FRMD4A: variants seen among roughly 807,000 people sequenced by gnomAD.
The protein encoded by FRMD4A is FERM domain-containing protein 4A.
FRMD4A carries 29 observed loss-of-function variants against 129.1 expected under a neutral mutation model. The ratio of observed to expected loss-of-function variants is 0.22; its 90% CI spans 0.17 to 0.31. FRMD4A has a LOEUF of 0.31. Among genes scored for constraint, FRMD4A ranks in the 10% least tolerant of loss-of-function variants. The probability of loss-of-function intolerance (pLI) is 1.00; values close to 1 mark genes in which losing one functional copy is unlikely to be tolerated. For missense variants in FRMD4A, 1,272 were observed against 1,375.8 expected (o/e 0.92, Z 1.19); for synonymous variants, 634 against 571.6 (o/e 1.11, Z -1.56).
At chr10:14,061,228 C>T (rs1834796761) in intron 2 of FRMD4A, among the ~76,000 whole-genome samples, 1 of 152,088 alleles carries the variant, frequency 6.6e-6, no homozygotes, top group Admixed American at 6.6e-5. Flanking sequence ...GGTGGACTAC[C>T]TGAGGTCAGG....
intron 2 of FRMD4A, among the ~76,000 whole-genome samples, chr10:14,061,705 C>T (rs1028184943): frequency 3.3e-5 from 5 of 152,072 alleles, no homozygotes; most frequent in Non-Finnish European, 5.9e-5. Context: ...AAACGTTGTC[C>T]TTATGATAAA....
In FRMD4A at chr10:13,731,498, A is replaced by G. The variant is rs192415320; in HGVS notation, c.759+6346T>C. On this transcript the variant is annotated intron_variant, in intron 12 of 24. Transcript: ENST00000357447. ...ACCCCGTCTCTACTAAAAATACAAA[A>G]ATTAGCTGGGTGTGGTGGCACGTGC... Among the ~76,000 whole-genome samples the G allele has an allele frequency of 3.8e-3, 575 of 152,008 alleles. 1 individual carries two copies. Among genetic ancestry groups the G allele is most frequent in the African/African-American group, 0.013 (549 of 41,454 alleles).
At position 13,796,411 on chromosome 10, in the gene FRMD4A, TC is replaced by T. The variant is rs368943972; in HGVS notation, c.299+84del. The T allele has an allele frequency of 7.7e-4, 581 of 754,532 alleles. 3 individuals are homozygous for T. In the African/African-American group the frequency reaches 8.7e-3, roughly 11 times the overall value. The allele number at this position is 754,532 out of a possible 1,614,324, so 46.7% of individuals were successfully genotyped here. The stretch of plus-strand genomic sequence containing the variant: ...AATGAACCAAGACAAACTTGAGCTC[TC>T]TTTCCTTGGAATCACTCTGCCCTCC... On this transcript the variant is annotated intron_variant, in intron 5 of 24. Transcript: ENST00000357447.
intron 2 of FRMD4A, among the ~76,000 whole-genome samples, chr10:14,101,430 G>T (rs992538122): frequency 3.9e-5 from 6 of 152,124 alleles, no homozygotes; most frequent in Non-Finnish European, 8.8e-5. Context: ...CTCCTCAAGA[G>T]ACCCTAGATA....
intron 2 of FRMD4A, among the ~76,000 whole-genome samples, chr10:14,270,900 G>A (rs919421340): frequency 2.6e-5 from 4 of 152,162 alleles, no homozygotes; most frequent in African/African-American, 7.2e-5. Context: ...TTAAATTGCT[G>A]CAAAGATACA....
chr10:13,822,624 A>T (rs892207571), intron 3 of FRMD4A, among the ~76,000 whole-genome samples: 1 of 152,178 alleles, frequency 6.6e-6, no homozygotes, highest in East Asian at 1.9e-4. Context: ...GAGATCTGCT[A>T]GGCAGAGACT....
At chr10:14,304,450 C>T (rs1846281160) in intron 2 of FRMD4A, among the ~76,000 whole-genome samples, 1 of 152,180 alleles carries the variant, frequency 6.6e-6, no homozygotes, top group African/African-American at 2.4e-5. Flanking sequence ...GCTTTATAGG[C>T]AGCGTCTCCT....
intron 2 of FRMD4A, among the ~76,000 whole-genome samples, chr10:14,320,183 C>T (rs1202459203): frequency 6.6e-6 from 1 of 152,170 alleles, no homozygotes; most frequent in Non-Finnish European, 1.5e-5. Context: ...AGATTAAACA[C>T]CCCACTTCCC....
In FRMD4A at chr10:13,821,934, C is replaced by T. The variant is rs1454935879; in HGVS notation, c.112-11026G>A. On this transcript the variant is annotated intron_variant, in intron 3 of 24. Transcript: ENST00000357447. This position sits in a 1 kb window ranked among gnomAD's most constrained non-coding sequence, Gnocchi z 4.3. ...CCCGCCACACCTCCATCCTTTGCCC[C>T]CGCTAATGTTACACTTAGGGGACAG... is the stretch of plus-strand genomic sequence containing the variant. Among the ~76,000 whole-genome samples the T allele has an allele frequency of 6.6e-6, 1 of 152,162 alleles. No homozygotes were observed. Among genetic ancestry groups the T allele is most frequent in the Non-Finnish European group, 1.5e-5 (1 of 68,038 alleles).
chr10:13,809,403 G>T (rs997151772), intron 4 of FRMD4A, among the ~76,000 whole-genome samples: 3 of 152,214 alleles, frequency 2.0e-5, no homozygotes, highest in Non-Finnish European at 2.9e-5. Flanking sequence ...TCTGATTAGT[G>T]AAAATAGTCT....
At chr10:14,056,054 T>C (rs930739698) in intron 2 of FRMD4A, among the ~76,000 whole-genome samples, 3 of 152,078 alleles carry the variant, frequency 2.0e-5, no homozygotes, top group Non-Finnish European at 4.4e-5. Context: ...TTTTTAGAGA[T>C]GTAGTCTCAC....
chr10:13,855,319 T>G (rs1236927886), intron 3 of FRMD4A, among the ~76,000 whole-genome samples: 1 of 152,150 alleles, frequency 6.6e-6, no homozygotes, highest in Admixed American at 6.5e-5. Flanking sequence ...CGCCCAACAC[T>G]GATGCCATAG....
At chr10:14,314,000 G>A (rs183789117) in intron 2 of FRMD4A, among the ~76,000 whole-genome samples, 1 of 152,252 alleles carries the variant, frequency 6.6e-6, no homozygotes, top group Admixed American at 6.5e-5. Flanking sequence ...CCCTAATTAG[G>A]TTAAGCAGAA....
At chr10:13,797,644 T>A (rs1005707853) in intron 4 of FRMD4A, among the ~76,000 whole-genome samples, 51 of 152,130 alleles carry the variant, frequency 3.4e-4, no homozygotes, top group African/African-American at 1.2e-3. Context: ...TGTCAGCCCA[T>A]CATCCTGGAG....
intron 2 of FRMD4A, among the ~76,000 whole-genome samples, chr10:13,989,015 C>A (rs2095593209): frequency 6.8e-6 from 1 of 147,350 alleles, no homozygotes; most frequent in South Asian, 2.4e-4. Context: ...TGCTTTAGGA[C>A]AGTGATTTTC....
chr10:14,152,273 A>T (rs1453620864), intron 2 of FRMD4A, among the ~76,000 whole-genome samples: 1 of 151,058 alleles, frequency 6.6e-6, no homozygotes, highest in African/African-American at 2.4e-5. Context: ...GACTACAGAC[A>T]CCCGCCACCA....
At chr10:13,845,137 C>T (rs1011934078) in intron 3 of FRMD4A, among the ~76,000 whole-genome samples, 6 of 152,078 alleles carry the variant, frequency 3.9e-5, no homozygotes, top group African/African-American at 1.4e-4. Flanking sequence ...CTATTTTATC[C>T]CCAAGAATGA....
At chr10:14,060,047 T>A (rs1199628179) in intron 2 of FRMD4A, among the ~76,000 whole-genome samples, 1 of 152,220 alleles carries the variant, frequency 6.6e-6, no homozygotes, top group Admixed American at 6.5e-5. Flanking sequence ...CCACAGTCTA[T>A]ACCTTTAACT....
intron 3 of FRMD4A, among the ~76,000 whole-genome samples, chr10:13,841,969 G>A (rs1228678529): frequency 6.6e-6 from 1 of 152,124 alleles, no homozygotes; most frequent in Non-Finnish European, 1.5e-5. Flanking sequence ...CAGGTGGTTA[G>A]TGCCAGAATT....
Sources: gnomAD v4.1 joint callset for allele counts (sites outside exome capture counted in the v4.1 genomes callset) on GRCh38, gnomAD v4.1.1 for gene constraint, Gnocchi (gnomAD v3.1) non-coding constraint, MANE v1.5 for transcripts, NCBI Gene and HGNC (gene_info 2026-07-23, HGNC 2026-07-21) for gene names.